ITSN1: variants seen among roughly 807,000 people sequenced by gnomAD.
The protein encoded by ITSN1 is intersectin 1.
Under a neutral mutation model 239.8 loss-of-function variants are expected in ITSN1, and 58 were observed. The observed-to-expected ratio is 0.24, with a 90% CI of 0.20 to 0.30. The LOEUF (loss-of-function observed/expected upper bound fraction) is 0.30, where lower values mean the gene tolerates loss of function less well. Among genes scored for constraint, ITSN1 ranks in the 10% least tolerant of loss-of-function variants. The probability of loss-of-function intolerance (pLI) is 1.00; values close to 1 mark genes in which losing one functional copy is unlikely to be tolerated. For synonymous variants in ITSN1, 780 were observed against 770.8 expected (o/e 1.01, Z -0.20); for missense variants, 1,558 against 2,103.3 (o/e 0.74, Z 5.07).
At chr21:33,852,036 C>A (rs1401890694) in intron 29 of ITSN1, among the ~76,000 whole-genome samples, 5 of 152,252 alleles carry the variant, frequency 3.3e-5, no homozygotes, top group Admixed American at 3.3e-4. Flanking sequence ...AATCCACCCA[C>A]CTCTGCCTTC....
In ITSN1 at chr21:33,867,340, C is replaced by A; in HGVS notation, c.4173+9C>A. The A allele has an allele frequency of 1.3e-6, 2 of 1,526,914 alleles. No individual in the cohort carries two copies. Among genetic ancestry groups the A allele is most frequent in the Non-Finnish European group, 1.8e-6 (2 of 1,100,622 alleles). 94.6% of individuals were successfully genotyped at this position (1,526,914 alleles called of 1,614,324 possible). On this transcript the variant is annotated intron_variant, in intron 33 of 39. Coordinates refer to ENST00000381318, the MANE Select transcript of ITSN1 (RefSeq NM_003024.3). ...CACTGATCATTAAAAATGTAAGTAC[C>A]TGTCTTGCCTTTTCAAGCAGGGGAC...
At chr21:33,671,723 G>A (rs530991884) in intron 1 of ITSN1, among the ~76,000 whole-genome samples, 1 of 150,566 alleles carries the variant, frequency 6.6e-6, no homozygotes, top group Non-Finnish European at 1.5e-5. Flanking sequence ...AATTGCTTGA[G>A]TGAGGTTGCA....
At chr21:33,758,880 T>C (rs2068096015) in intron 8 of ITSN1, among the ~76,000 whole-genome samples, 1 of 152,220 alleles carries the variant, frequency 6.6e-6, no homozygotes, top group Non-Finnish European at 1.5e-5. Context: ...GATATCCCTT[T>C]ATGTACCTAG....
intron 14 of ITSN1, among the ~76,000 whole-genome samples, chr21:33,778,502 CT>C (rs2069830691): frequency 1.3e-5 from 2 of 148,300 alleles, no homozygotes; most frequent in Admixed American, 1.4e-4. Flanking sequence ...TTTTGATTAT[CT>C]GTCAATGAAC....
At chr21:33,777,431 G>A (rs1318599803) in intron 14 of ITSN1, among the ~76,000 whole-genome samples, 1 of 152,074 alleles carries the variant, frequency 6.6e-6, no homozygotes, top group Non-Finnish European at 1.5e-5. Context: ...GTTATTCCAG[G>A]TCCTTAACAT....
chr21:33,646,535 A>G (rs866871180), intron 1 of ITSN1, among the ~76,000 whole-genome samples: 1 of 152,300 alleles, frequency 6.6e-6, no homozygotes, highest in Middle Eastern at 3.4e-3. Context: ...GGCACCATAG[A>G]TATTATGTAG....
At chr21:33,839,632 T>C (rs2074755762) in intron 29 of ITSN1, among the ~76,000 whole-genome samples, 1 of 152,176 alleles carries the variant, frequency 6.6e-6, no homozygotes, top group South Asian at 2.1e-4. Flanking sequence ...GTCTTGAGTT[T>C]GGCTGGAAGG....
chr21:33,675,654 T>C (rs1433536500), intron 1 of ITSN1, among the ~76,000 whole-genome samples: 2 of 152,244 alleles, frequency 1.3e-5, no homozygotes, highest in East Asian at 3.8e-4. Context: ...CTAGTAGCTG[T>C]GTGCCTGTAC....
chr21:33,859,593 G>C (rs1427346909), intron 31 of ITSN1, among the ~76,000 whole-genome samples: 2 of 92,382 alleles, frequency 2.2e-5, no homozygotes, highest in East Asian at 1.8e-3. Flanking sequence ...CCCGAGGATG[G>C]AGGGCAGGCT....
intron 4 of ITSN1, among the ~76,000 whole-genome samples, chr21:33,732,456 A>G (rs1569048153): frequency 1.3e-5 from 2 of 152,178 alleles, no homozygotes; most frequent in African/African-American, 4.8e-5. Flanking sequence ...TTCAGTTTAC[A>G]TTACTTTCCA....
At chr21:33,855,447 GC>G (rs1979143042) in intron 29 of ITSN1, among the ~76,000 whole-genome samples, 2 of 152,376 alleles carry the variant, frequency 1.3e-5, no homozygotes, top group African/African-American at 4.8e-5. Context: ...AGGGGATTCA[GC>G]CCGGACTCTC....
chr21:33,778,314 A>T (rs374955157), intron 14 of ITSN1, among the ~76,000 whole-genome samples: 4 of 151,826 alleles, frequency 2.6e-5, no homozygotes, highest in East Asian at 3.9e-4. Context: ...GAGTTGGAAA[A>T]TATTCCTTCC....
intron 23 of ITSN1, among the ~76,000 whole-genome samples, 163 bp from the exon 24 acceptor site, chr21:33,819,078 G>A (rs1305142954): frequency 8.9e-6 from 1 of 112,598 alleles, no homozygotes; most frequent in East Asian, 3.9e-4. Context: ...TCATGCCTCT[G>A]TAGTACCTTA....
At chr21:33,751,365 A>T (rs916353737) in intron 6 of ITSN1, among the ~76,000 whole-genome samples, 4 of 152,222 alleles carry the variant, frequency 2.6e-5, no homozygotes, top group Non-Finnish European at 5.9e-5. Context: ...TGATAATCAG[A>T]CACAAAAGCT....
At chr21:33,817,080 G>A (rs2073326855) in intron 22 of ITSN1, 3 of 995,462 alleles carry the variant, frequency 3.0e-6, no homozygotes, top group African/African-American at 1.7e-5. Context: ...TGGTTCTGAA[G>A]TAACTCTCTC....
At chr21:33,730,388 CTT>C (rs71194863) in intron 4 of ITSN1, among the ~76,000 whole-genome samples, 33 of 49,354 alleles carry the variant, frequency 6.7e-4, no homozygotes, top group African/African-American at 2.6e-3. Context: ...GCTCTCTGTT[CTT>C]TTTTTTTTTT....
At position 33,837,813 on chromosome 21, in the gene ITSN1, G is replaced by T. The variant is rs1167484544; in HGVS notation, c.3661+1181G>T. The T allele has an allele frequency of 5.1e-6, 5 of 985,894 alleles. No individual in the cohort carries two copies. In the East Asian group the frequency reaches 5.7e-4, roughly 112 times the overall value. The allele number at this position is 985,894 out of a possible 1,614,324, so 61.1% of individuals were successfully genotyped here. On this transcript the variant is annotated intron_variant, in intron 29 of 39. Coordinates refer to ENST00000381318, the MANE Select transcript of ITSN1 (RefSeq NM_003024.3). The stretch of plus-strand genomic sequence containing the variant: ...TTCGGTCTCAGATTTATCTGGTTGA[G>T]TTGGTGTTTTGTTTGGGGTTTTTAA...
intron 31 of ITSN1, among the ~76,000 whole-genome samples, chr21:33,863,968 C>T (rs536792531): frequency 2.8e-4 from 43 of 152,352 alleles, no homozygotes; most frequent in Middle Eastern, 3.4e-3. Flanking sequence ...CAGGTGGAAT[C>T]GCTGACTGCT....
At chr21:33,644,968 C>G (rs2087803105) in intron 1 of ITSN1, among the ~76,000 whole-genome samples, 2 of 152,074 alleles carry the variant, frequency 1.3e-5, no homozygotes, top group East Asian at 3.9e-4. Context: ...ATCACAGATG[C>G]ACGCCACCAT....
Sources: allele counts gnomAD v4.1 joint callset (sites outside exome capture counted in the v4.1 genomes callset), GRCh38; gene constraint gnomAD v4.1.1; transcripts MANE v1.5; gene names NCBI Gene and HGNC (gene_info 2026-07-23, HGNC 2026-07-21).